The following CLVS1 variants were observed in gnomAD, a reference collection of about 807,000 sequenced individuals.
CLVS1 encodes clavesin 1, also known as clavesin-1.
CLVS1 carries 10 observed loss-of-function variants against 33.1 expected under a neutral mutation model. That is an observed-to-expected ratio of 0.30 (90% CI 0.19 to 0.51). The LOEUF (loss-of-function observed/expected upper bound fraction) is 0.51. Among genes scored for constraint, CLVS1 ranks in the 20% least tolerant of loss-of-function variants. CLVS1 has a pLI of 0.97. For synonymous variants in CLVS1, 163 were observed against 166.1 expected, an observed-to-expected ratio of 0.98 and a Z score of 0.14; for missense variants, 343 against 433.4, an observed-to-expected ratio of 0.79 and a Z score of 1.85.
intron 3 of CLVS1, among the ~76,000 whole-genome samples, chr8:61,388,654 T>C (rs1814180293): frequency 6.6e-6 from 1 of 152,072 alleles, no homozygotes; most frequent in Non-Finnish European, 1.5e-5. Context: ...ACTTGACACA[T>C]AGTAATTATA....
chr8:61,401,652 A>G (rs1432089782), intron 3 of CLVS1, among the ~76,000 whole-genome samples: 1 of 152,224 alleles, frequency 6.6e-6, no homozygotes, highest in Non-Finnish European at 1.5e-5. Context: ...TTATAGATTC[A>G]ATACTATTCC....
At chr8:61,079,297 T>C (rs1160708305) in intron 1 of CLVS1, among the ~76,000 whole-genome samples, 2 of 152,190 alleles carry the variant, frequency 1.3e-5, no homozygotes, top group African/African-American at 2.4e-5. Context: ...ATGTCACATA[T>C]GATATTAAGG....
At chr8:61,480,023 A>AG (rs1283772469) in intron 5 of CLVS1, among the ~76,000 whole-genome samples, 2 of 152,222 alleles carry the variant, frequency 1.3e-5, no homozygotes, top group Non-Finnish European at 2.9e-5. Context: ...TAGGCTACTC[A>AG]GGGGTCAGGG....
chr8:61,403,849 C>T (rs1438005066), intron 3 of CLVS1, among the ~76,000 whole-genome samples: 17 of 152,174 alleles, frequency 1.1e-4, no homozygotes, highest in African/African-American at 3.9e-4. Flanking sequence ...AGGATATCTA[C>T]TTAATGCTTC....
In CLVS1 at chr8:61,356,070, C is replaced by T. The variant is rs1295381755; in HGVS notation, c.456-20535C>T. On this transcript the variant is annotated intron_variant, in intron 2 of 5. Coordinates refer to ENST00000325897, the MANE Select transcript of CLVS1 (RefSeq NM_173519.3). ...TCCTATTTCTCCACATCCTCTCCAG[C>T]ACCTGTTGTTTCCTGACTTTTTAAC... 2.0e-5 allele frequency among the ~76,000 whole-genome samples: 3 copies of T among 152,138 alleles called. No homozygotes were observed. The East Asian group carries it at 5.8e-4, about 29-fold the overall frequency.
intron 2 of CLVS1, among the ~76,000 whole-genome samples, chr8:61,146,653 A>G (rs1184922622): frequency 6.6e-6 from 1 of 152,252 alleles, no homozygotes; most frequent in East Asian, 1.9e-4. Flanking sequence ...CAGATAAGAT[A>G]TTAGTTCTTG....
intron 1 of CLVS1, among the ~76,000 whole-genome samples, chr8:61,088,787 T>C (rs565043751): frequency 2.2e-4 from 34 of 151,946 alleles, no homozygotes; most frequent in African/African-American, 7.3e-4. Flanking sequence ...CAAGCTTTTT[T>C]TTTTCTTTTC....
chr8:61,447,008 T>C (rs1816781239), intron 3 of CLVS1, among the ~76,000 whole-genome samples: 1 of 152,196 alleles, frequency 6.6e-6, no homozygotes, highest in South Asian at 2.1e-4. Flanking sequence ...ACTTAGGTAT[T>C]GTTTATCTTT....
chr8:61,026,027 C>T, the CLVS1 span, among the ~76,000 whole-genome samples: 1 of 151,854 alleles, frequency 6.6e-6, no homozygotes. Context: ...TCCCACCCCC[C>T]TTCCCTCCCC....
chr8:61,071,307 C>T (rs1322229381), intron 1 of CLVS1, among the ~76,000 whole-genome samples: 1 of 152,204 alleles, frequency 6.6e-6, no homozygotes, highest in Non-Finnish European at 1.5e-5. Flanking sequence ...ATCAAGGTGT[C>T]AGCAGGGCTG....
At chr8:61,064,869 T>C (rs1369335131) in intron 1 of CLVS1, among the ~76,000 whole-genome samples, 3 of 152,218 alleles carry the variant, frequency 2.0e-5, no homozygotes, top group East Asian at 1.9e-4. Context: ...GCCTGGCTAA[T>C]TTTTTATATT....
chr8:61,085,596 A>G (rs925593235), intron 1 of CLVS1, among the ~76,000 whole-genome samples: 4 of 152,122 alleles, frequency 2.6e-5, no homozygotes, highest in Admixed American at 2.6e-4. Flanking sequence ...TGTAACAATG[A>G]AATGCATGAC....
the CLVS1 span, among the ~76,000 whole-genome samples, chr8:61,047,447 C>G: frequency 6.6e-6 from 1 of 152,286 alleles, no homozygotes. Context: ...CCCAGCCATC[C>G]CATTACTGGG....
rs575883133 is a variant in CLVS1 at position 61,456,864 on chromosome 8, G to A, written c.742-1443G>A. ...ACCTGGGAGGGGGAGCTTGCAGTGA[G>A]CCGAGATTGCACCACTGCACTCCAG... On this transcript the variant is annotated intron_variant, in intron 4 of 5. Coordinates refer to ENST00000325897, the MANE Select transcript of CLVS1 (RefSeq NM_173519.3). Among the ~76,000 whole-genome samples, 74 of 150,652 alleles carry A rather than the reference G, an allele frequency of 4.9e-4. 1 individual carries two copies. The South Asian group carries it at 0.014, about 29-fold the overall frequency.
In CLVS1 at chr8:61,360,937, C is replaced by A. The variant is rs79913508; in HGVS notation, c.456-15668C>A. On this transcript the variant is annotated intron_variant, in intron 2 of 5. Transcript: ENST00000325897. The stretch of plus-strand genomic sequence containing the variant: ...AAGGTTGAATTGGTTCATAGTTCTG[C>A]AGGCTGTACAGGAAATAGTGGCTGC... Among the ~76,000 whole-genome samples, 5 of 152,068 alleles carry A rather than the reference C, an allele frequency of 3.3e-5. No individual in the cohort carries two copies. In the East Asian group the frequency reaches 9.6e-4, roughly 29 times the overall value.
chr8:61,017,128 G>C, the CLVS1 span, among the ~76,000 whole-genome samples: 2 of 152,208 alleles, frequency 1.3e-5, no homozygotes, highest in Admixed American at 1.3e-4. Context: ...CTGCACTGGG[G>C]GAGAGCCGAG....
chr8:61,261,562 C>G (rs1328750549), intron 2 of CLVS1, among the ~76,000 whole-genome samples: 1 of 152,154 alleles, frequency 6.6e-6, no homozygotes, highest in African/African-American at 2.4e-5. Context: ...TCCTAACTCT[C>G]AATGTGATAG....
At chr8:61,176,810 A>G (rs1807121100) in intron 2 of CLVS1, among the ~76,000 whole-genome samples, 1 of 152,182 alleles carries the variant, frequency 6.6e-6, no homozygotes, top group African/African-American at 2.4e-5. Context: ...TGCCTTTTCC[A>G]CGGATCTGTG....
chr8:61,214,900 A>G (rs1563448150), intron 2 of CLVS1, among the ~76,000 whole-genome samples: 1 of 152,190 alleles, frequency 6.6e-6, no homozygotes, highest in Non-Finnish European at 1.5e-5. Flanking sequence ...TCTTATGAGC[A>G]TGTATAGGAT....
Sources: allele counts gnomAD v4.1 joint callset (sites outside exome capture counted in the v4.1 genomes callset), GRCh38; gene constraint gnomAD v4.1.1; transcripts MANE v1.5; gene names NCBI Gene and HGNC (gene_info 2026-07-23, HGNC 2026-07-21).